Variants in CNTN6 observed in about 807,000 individuals in gnomAD.
The protein encoded by CNTN6 is contactin 6, also known as contactin-6.
In CNTN6, 137 loss-of-function variants were observed where a neutral mutation model predicts 122.8. The ratio of observed to expected loss-of-function variants is 1.12; its 90% CI spans 0.97 to 1.29. The LOEUF (loss-of-function observed/expected upper bound fraction) is 1.29. Ranked by LOEUF, CNTN6 falls within the 50% of genes most tolerant of loss-of-function variation. CNTN6 has a pLI of 0.00. For synonymous variants in CNTN6, 570 were observed against 426.0 expected (o/e 1.34, Z -4.16); for missense variants, 1,634 against 1,223.4 (o/e 1.34, Z -5.01).
intron 2 of CNTN6, among the ~76,000 whole-genome samples, chr3:1,216,046 C>T (rs77345645): frequency 0.018 from 2,679 of 152,224 alleles, 91 homozygotes; most frequent in African/African-American, 0.061. Flanking sequence ...GAAGATGTAG[C>T]ACTTTTCTAA....
chr3:1,314,112 A>C (rs111635254), intron 7 of CNTN6, among the ~76,000 whole-genome samples: 4,454 of 152,222 alleles, frequency 0.029, 87 homozygotes, highest in Middle Eastern at 0.12. Context: ...TCAGAGTAAA[A>C]TAAAAATGTT....
intron 7 of CNTN6, among the ~76,000 whole-genome samples, chr3:1,302,091 T>G (rs1036164898): frequency 6.6e-6 from 1 of 152,292 alleles, no homozygotes; most frequent in African/African-American, 2.4e-5. Context: ...ATTAACAATC[T>G]GAAAATAAAA....
intron 5 of CNTN6, among the ~76,000 whole-genome samples, chr3:1,292,954 C>T (rs748750625): frequency 2.7e-5 from 4 of 150,708 alleles, no homozygotes; most frequent in Non-Finnish European, 5.9e-5. Context: ...TTTTACCTAA[C>T]AATGCTGCTT....
chr3:1,157,192 T>TTATTTATTTA (rs1491571408), intron 2 of CNTN6, among the ~76,000 whole-genome samples: 4 of 147,040 alleles, frequency 2.7e-5, no homozygotes, highest in Admixed American at 2.0e-4. Context: ...AATTATACTC[T>TTATTTATTTA]TTTATTTATT....
rs74775966 is a variant in CNTN6, at chr3:1,331,887, T to C, written c.1364+1952T>C. On this transcript the variant is annotated intron_variant, in intron 11 of 22. Transcript: ENST00000446702. ...GAAAAAAAAGCAGGAGGGAAACTGCTTTTTAAAACAGCTCTTCAGGTTTTT... is the reference window on the plus strand; with the variant it reads ...GAAAAAAAAGCAGGAGGGAAACTGCCTTTTAAAACAGCTCTTCAGGTTTTT... 2.3e-3 allele frequency among the ~76,000 whole-genome samples: 342 copies of C among 151,922 alleles called. 5 individuals are homozygous for C. Among genetic ancestry groups the C allele is most frequent in the African/African-American group, 7.8e-3 (324 of 41,470 alleles).
chr3:1,373,773 A>C lies in CNTN6; in HGVS notation c.1945+11A>C, dbSNP rs189566999. The C allele has an allele frequency of 1.2e-5, 19 of 1,584,032 alleles. No homozygotes were observed. The African/African-American group carries it at 1.8e-4, about 15-fold the overall frequency. ...AGGCTGTTGCTACAGGTGAGTGACA[A>C]AAGTGTTTTGGGTCACTTTAAAAAT... On this transcript the variant is annotated intron_variant, in intron 15 of 22. Coordinates refer to ENST00000446702, the MANE Select transcript of CNTN6 (RefSeq NM_001289080.2).
At chr3:1,256,336 T>C (rs1180146760) in intron 4 of CNTN6, among the ~76,000 whole-genome samples, 2 of 152,058 alleles carry the variant, frequency 1.3e-5, no homozygotes, top group Non-Finnish European at 2.9e-5. Context: ...AAAACTGAGA[T>C]ATGATTGAGA....
chr3:1,328,494 A>T (rs1403178735), intron 10 of CNTN6, among the ~76,000 whole-genome samples: 3 of 151,756 alleles, frequency 2.0e-5, no homozygotes, highest in African/African-American at 7.2e-5. Flanking sequence ...TTGATTGAAC[A>T]TTTATTATGT....
intron 7 of CNTN6, among the ~76,000 whole-genome samples, chr3:1,304,744 A>G (rs1698049767): frequency 2.0e-5 from 3 of 152,126 alleles, no homozygotes; most frequent in South Asian, 2.1e-4. Flanking sequence ...CTGTAATCCC[A>G]GCACTTTGGG....
intron 2 of CNTN6, among the ~76,000 whole-genome samples, chr3:1,172,783 A>G (rs1221019248): frequency 1.3e-5 from 2 of 152,152 alleles, no homozygotes; most frequent in Non-Finnish European, 2.9e-5. Flanking sequence ...ACTCATATAC[A>G]CGAGAGCAAA....
At chr3:1,167,907 TTTTCA>T (rs1416234499) in intron 2 of CNTN6, among the ~76,000 whole-genome samples, 28 of 152,320 alleles carry the variant, frequency 1.8e-4, no homozygotes, top group African/African-American at 6.5e-4. Context: ...GTCATTCTTT[TTTTCA>T]TTTCATTTAT....
chr3:1,328,685 G>T (rs911453161), intron 10 of CNTN6, among the ~76,000 whole-genome samples: 5 of 151,708 alleles, frequency 3.3e-5, no homozygotes, highest in African/African-American at 1.2e-4. Flanking sequence ...TCTAAGATCA[G>T]AAGTAAAAAC....
chr3:1,365,579 A>G (rs1198045329), intron 12 of CNTN6, among the ~76,000 whole-genome samples: 2 of 152,082 alleles, frequency 1.3e-5, no homozygotes, highest in African/African-American at 4.8e-5. Flanking sequence ...ATGTACGAAC[A>G]CTGTATGTAT....
chr3:1,265,430 C>A (rs1159754321), intron 4 of CNTN6, among the ~76,000 whole-genome samples: 1 of 152,138 alleles, frequency 6.6e-6, no homozygotes, highest in East Asian at 1.9e-4. Flanking sequence ...CTGGGTCTTA[C>A]AGTTTTCCCT....
intron 11 of CNTN6, among the ~76,000 whole-genome samples, chr3:1,345,550 T>C (rs1481095681): frequency 6.6e-6 from 1 of 152,174 alleles, no homozygotes; most frequent in African/African-American, 2.4e-5. Flanking sequence ...AAATAAGAAA[T>C]TTTTAAAAGA....
intron 11 of CNTN6, among the ~76,000 whole-genome samples, chr3:1,346,211 C>G (rs958445799): frequency 6.6e-6 from 1 of 152,144 alleles, no homozygotes; most frequent in African/African-American, 2.4e-5. Flanking sequence ...ATGTTAATCT[C>G]TATTGTATTG....
chr3:1,243,575 G>C (rs1321016424), intron 4 of CNTN6, among the ~76,000 whole-genome samples: 1 of 151,830 alleles, frequency 6.6e-6, no homozygotes. Context: ...AAGTGGCTCA[G>C]GGTTGCTGCC....
In CNTN6 at chr3:1,249,868, G is replaced by C. The variant is rs569624840; in HGVS notation, c.358+21875G>C. Among the ~76,000 whole-genome samples the C allele has an allele frequency of 3.7e-4, 56 of 152,140 alleles. No individual in the cohort carries two copies. The Middle Eastern group carries it at 0.014, about 37-fold the overall frequency. On this transcript the variant is annotated intron_variant, in intron 4 of 22. Coordinates refer to ENST00000446702, the MANE Select transcript of CNTN6 (RefSeq NM_001289080.2). ...TAATCAAATATAAACAACTGTGCTG[G>C]AGGCTGCACCCTCTGCCAGCTGCCT...
Position 1,259,807 on chromosome 3 carries a change from A to T in CNTN6, c.359-18606A>T, listed in dbSNP as rs150583255. Among the ~76,000 whole-genome samples, 16 of 152,294 alleles carry T rather than the reference A, an allele frequency of 1.1e-4. No homozygotes were observed. In the East Asian group the frequency reaches 3.1e-3, roughly 29 times the overall value. On this transcript the variant is annotated intron_variant, in intron 4 of 22. Transcript: ENST00000446702. ...TTACCTAATGTAGACATGCTTGTAT[A>T]GATGTATCCATGTATAATAATATTT...
Sources: gnomAD v4.1 joint callset for allele counts (sites outside exome capture counted in the v4.1 genomes callset) on GRCh38, gnomAD v4.1.1 for gene constraint, MANE v1.5 for transcripts, NCBI Gene and HGNC (gene_info 2026-07-23, HGNC 2026-07-21) for gene names.